Variants in HEMK2 observed in about 807,000 individuals in gnomAD.
The protein encoded by HEMK2 is HemK methyltransferase 2, ETF1 glutamine and histone H4 lysine.
chr21:28,670,773 G>T, the HEMK2 span, among the ~76,000 whole-genome samples: 2 of 152,156 alleles, frequency 1.3e-5, no homozygotes, highest in Non-Finnish European at 2.9e-5. Flanking sequence ...GGCTAAGGAG[G>T]CATGTCTTAC....
chr21:28,728,485 T>C, the HEMK2 span, among the ~76,000 whole-genome samples: 86 of 117,352 alleles, frequency 7.3e-4, no homozygotes, highest in Non-Finnish European at 1.2e-3. Context: ...CAGAAATCCA[T>C]GAACATGGAA....
At chr21:28,874,420 C>T in the HEMK2 span, 1 of 152,244 alleles carries the variant, frequency 6.6e-6, no homozygotes, top group Non-Finnish European at 1.5e-5. Flanking sequence ...GACTGATGAC[C>T]CTGGGGAATG....
the HEMK2 span, among the ~76,000 whole-genome samples, chr21:28,778,969 C>T: frequency 4.7e-4 from 72 of 152,238 alleles, no homozygotes; most frequent in African/African-American, 1.7e-3. Context: ...TCCTCTTACG[C>T]ATCACGTTTT....
the HEMK2 span, among the ~76,000 whole-genome samples, chr21:28,604,731 G>A: frequency 2.0e-5 from 3 of 152,152 alleles, no homozygotes; most frequent in Admixed American, 1.3e-4. Context: ...TGTCTCTATT[G>A]TCAAAGCTTG....
the HEMK2 span, among the ~76,000 whole-genome samples, chr21:28,856,467 C>T: frequency 6.6e-6 from 1 of 151,830 alleles, no homozygotes; most frequent in Non-Finnish European, 1.5e-5. Flanking sequence ...TTGATAAAAT[C>T]CATGTAATGA....
the HEMK2 span, among the ~76,000 whole-genome samples, chr21:28,735,494 C>T: frequency 3.3e-5 from 5 of 152,120 alleles, no homozygotes; most frequent in Non-Finnish European, 5.9e-5. Flanking sequence ...CCTCCATCTC[C>T]AAGACAGTCA....
the HEMK2 span, among the ~76,000 whole-genome samples, chr21:28,602,431 G>A: frequency 0.018 from 2,702 of 152,180 alleles, 106 homozygotes; most frequent in African/African-American, 0.063. Context: ...CTTTAGAATT[G>A]TTGTATTCTA....
chr21:28,861,931 A>G, the HEMK2 span, among the ~76,000 whole-genome samples: 2 of 152,152 alleles, frequency 1.3e-5, no homozygotes, highest in Non-Finnish European at 2.9e-5. Context: ...TAGAGGTCTT[A>G]ATTGCAGAGG....
the HEMK2 span, among the ~76,000 whole-genome samples, chr21:28,607,977 T>G: frequency 6.6e-6 from 1 of 152,196 alleles, no homozygotes; most frequent in African/African-American, 2.4e-5. Context: ...CTTAACAATT[T>G]TGAACAACTT....
the HEMK2 span, among the ~76,000 whole-genome samples, chr21:28,656,690 T>C: frequency 6.6e-6 from 1 of 151,968 alleles, no homozygotes; most frequent in Non-Finnish European, 1.5e-5. Flanking sequence ...ACCAAAGACA[T>C]ACTAATCATC....
the HEMK2 span, among the ~76,000 whole-genome samples, chr21:28,809,372 G>T: frequency 2.0e-5 from 3 of 152,072 alleles, no homozygotes; most frequent in Non-Finnish European, 4.4e-5. Context: ...TGGATTTTAT[G>T]GTCTACTTAT....
At chr21:28,590,288 C>A in the HEMK2 span, among the ~76,000 whole-genome samples, 4 of 151,890 alleles carry the variant, frequency 2.6e-5, no homozygotes, top group Non-Finnish European at 5.9e-5. Context: ...AACTGGACAC[C>A]AGTGTAAGCG....
the HEMK2 span, among the ~76,000 whole-genome samples, chr21:28,806,628 C>T: frequency 6.6e-6 from 1 of 152,056 alleles, no homozygotes; most frequent in African/African-American, 2.4e-5. Context: ...GTGCATCTTT[C>T]CTGGTCTGCA....
the HEMK2 span, among the ~76,000 whole-genome samples, chr21:28,721,913 C>T: frequency 1.4e-5 from 2 of 143,496 alleles, no homozygotes; most frequent in Non-Finnish European, 3.0e-5. Flanking sequence ...CACACACACA[C>T]ACACACACAC....
At chr21:28,844,001 C>T in the HEMK2 span, among the ~76,000 whole-genome samples, 1 of 151,912 alleles carries the variant, frequency 6.6e-6, no homozygotes, top group African/African-American at 2.4e-5. Context: ...GTTTTTAAGT[C>T]AAAGTTTTAA....
chr21:28,675,133 G>C, the HEMK2 span, among the ~76,000 whole-genome samples: 1 of 152,118 alleles, frequency 6.6e-6, no homozygotes, highest in South Asian at 2.1e-4. Flanking sequence ...CATTTACCAA[G>C]TGCTTCCAAA....
chr21:28,764,978 CCCCTT>C, the HEMK2 span, among the ~76,000 whole-genome samples: 1 of 152,108 alleles, frequency 6.6e-6, no homozygotes, highest in Non-Finnish European at 1.5e-5. Context: ...GTGATGCTCT[CCCCTT>C]GAGTGTAGGC....
the HEMK2 span, among the ~76,000 whole-genome samples, chr21:28,627,670 C>A: frequency 1.3e-5 from 2 of 152,164 alleles, no homozygotes; most frequent in Non-Finnish European, 2.9e-5. Context: ...AGAATAGGAT[C>A]TGGAGGCAGG....
At chr21:28,627,206 G>C in the HEMK2 span, among the ~76,000 whole-genome samples, 2 of 152,180 alleles carry the variant, frequency 1.3e-5, no homozygotes, top group Non-Finnish European at 2.9e-5. Flanking sequence ...TATAAGGATA[G>C]AGATCAGAGC....
Sources: allele counts gnomAD v4.1 joint callset (sites outside exome capture counted in the v4.1 genomes callset), GRCh38; gene constraint gnomAD v4.1.1; transcripts MANE v1.5; gene names NCBI Gene and HGNC (gene_info 2026-07-23, HGNC 2026-07-21).